SYN3: variants seen among roughly 807,000 people sequenced by gnomAD.
The protein encoded by SYN3 is synapsin III, also known as synapsin-3.
SYN3 carries 35 observed loss-of-function variants against 65.8 expected under a neutral mutation model. That is an observed-to-expected ratio of 0.53 (90% CI 0.41 to 0.70). The LOEUF (loss-of-function observed/expected upper bound fraction) is 0.70, where lower values mean the gene tolerates loss of function less well. Ranked by LOEUF, SYN3 falls within the 30% of genes least tolerant of loss-of-function variation. The pLI is 0.00. For missense variants in SYN3, 680 were observed against 749.0 expected, an observed-to-expected ratio of 0.91 and a Z score of 1.08; for synonymous variants, 270 against 292.9, an observed-to-expected ratio of 0.92 and a Z score of 0.80.
chr22:32,858,087 C>T, intron 6 of SYN3: 10 of 1,614,216 alleles, frequency 6.2e-6, no homozygotes, highest in Non-Finnish European at 8.5e-6. Flanking sequence ...AGCTCACCCT[C>T]TCCCAGCGCA....
chr22:32,879,526 G>C (rs1375875338), intron 4 of SYN3, among the ~76,000 whole-genome samples: 1 of 152,130 alleles, frequency 6.6e-6, no homozygotes, highest in Non-Finnish European at 1.5e-5. Context: ...ATAGTCGAAG[G>C]GGGAAGGGAG....
At chr22:32,865,029 T>C (rs766516048) in intron 5 of SYN3, 25 bp from the exon 6 acceptor site, 5 of 1,576,418 alleles carry the variant, frequency 3.2e-6, no homozygotes, top group Non-Finnish European at 1.7e-6. Context: ...GAGAGAACAT[T>C]GATCAACTAT....
chr22:32,544,186 C>T (rs182788559), intron 7 of SYN3, among the ~76,000 whole-genome samples: 65 of 152,330 alleles, frequency 4.3e-4, no homozygotes, highest in African/African-American at 1.3e-3. Context: ...GATCTTTCCG[C>T]CTCGGCCTTC....
chr22:32,544,353 T>C (rs1329177637), intron 7 of SYN3, among the ~76,000 whole-genome samples: 1 of 152,236 alleles, frequency 6.6e-6, no homozygotes, highest in Non-Finnish European at 1.5e-5. Context: ...GGATCCACCA[T>C]TCTCCTCAAC....
chr22:32,803,747 C>T (rs903396552), intron 6 of SYN3, among the ~76,000 whole-genome samples: 10 of 152,310 alleles, frequency 6.6e-5, no homozygotes, highest in East Asian at 1.9e-4. Context: ...GGATCACACA[C>T]GTGCGGCCAG....
At chr22:32,981,813 T>A (rs2052382919) in intron 2 of SYN3, among the ~76,000 whole-genome samples, 1 of 152,196 alleles carries the variant, frequency 6.6e-6, no homozygotes, top group Non-Finnish European at 1.5e-5. Context: ...ATGTTTATAG[T>A]GTTTTATCCA....
At chr22:32,964,239 A>G (rs966308591) in intron 3 of SYN3, among the ~76,000 whole-genome samples, 2 of 136,114 alleles carry the variant, frequency 1.5e-5, no homozygotes, top group Admixed American at 8.4e-5. Context: ...ATGAGAACAC[A>G]TGGACACAGG....
intron 3 of SYN3, among the ~76,000 whole-genome samples, chr22:32,940,322 T>C (rs1468372900): frequency 1.3e-5 from 2 of 152,222 alleles, no homozygotes; most frequent in East Asian, 3.8e-4. Flanking sequence ...CTCTTAACTT[T>C]CTTAGTTTTT....
intron 6 of SYN3, among the ~76,000 whole-genome samples, chr22:32,800,625 G>A (rs966044280): frequency 6.6e-6 from 1 of 152,170 alleles, no homozygotes; most frequent in African/African-American, 2.4e-5. Context: ...ATAGCTAGTC[G>A]TCTAGGATCC....
At chr22:32,806,118 C>T (rs1277381874) in intron 6 of SYN3, among the ~76,000 whole-genome samples, 1 of 151,924 alleles carries the variant, frequency 6.6e-6, no homozygotes, top group African/African-American at 2.4e-5. Flanking sequence ...GGCTTCAAGA[C>T]TCTTCCCTTA....
At chr22:32,728,014 T>C (rs1246850783) in intron 6 of SYN3, among the ~76,000 whole-genome samples, 4 of 152,184 alleles carry the variant, frequency 2.6e-5, no homozygotes, top group Non-Finnish European at 5.9e-5. Flanking sequence ...TAATAAGTGG[T>C]GCTGGGAGAA....
intron 1 of SYN3, among the ~76,000 whole-genome samples, chr22:33,027,619 G>C: frequency 8.4e-6 from 1 of 119,270 alleles, no homozygotes. Context: ...GAGAAAGAAG[G>C]AAAGACAGAC....
intron 2 of SYN3, among the ~76,000 whole-genome samples, chr22:32,989,671 C>G (rs1454596965): frequency 6.6e-6 from 1 of 151,662 alleles, no homozygotes; most frequent in African/African-American, 2.4e-5. Flanking sequence ...CCCGTGTCTA[C>G]CAAAAATACA....
intron 7 of SYN3, among the ~76,000 whole-genome samples, chr22:32,553,173 A>G (rs574911882): frequency 6.6e-6 from 1 of 152,240 alleles, no homozygotes; most frequent in African/African-American, 2.4e-5. Flanking sequence ...AAATCCCATC[A>G]CTTTGGGGAT....
intron 7 of SYN3, among the ~76,000 whole-genome samples, chr22:32,569,561 CTCTCTCTCTCTATATA>C (rs1186618341): frequency 2.5e-4 from 13 of 51,736 alleles, no homozygotes; most frequent in East Asian, 6.1e-3. Context: ...CTCTCTCTCT[CTCTCTCTCTCTATATA>C]TATATATATA....
At chr22:32,909,855 C>T (rs545993912) in intron 4 of SYN3, among the ~76,000 whole-genome samples, 45 of 152,230 alleles carry the variant, frequency 3.0e-4, no homozygotes, top group African/African-American at 9.9e-4. Flanking sequence ...GTGCAGTTCC[C>T]GGGTCGGTCG....
intron 6 of SYN3, among the ~76,000 whole-genome samples, chr22:32,657,252 T>C (rs2060154367): frequency 6.6e-6 from 1 of 152,034 alleles, no homozygotes; most frequent in Admixed American, 6.6e-5. Flanking sequence ...GCCTCCTGAG[T>C]AGCTGGGACT....
chr22:32,525,567 G>A (rs1031514253), intron 12 of SYN3, among the ~76,000 whole-genome samples: 5 of 151,882 alleles, frequency 3.3e-5, no homozygotes, highest in Admixed American at 6.6e-5. Flanking sequence ...AAAATTAGCC[G>A]GGAGTGTTGG....
intron 7 of SYN3, among the ~76,000 whole-genome samples, chr22:32,545,217 C>A (rs565726614): frequency 6.6e-6 from 1 of 152,174 alleles, no homozygotes; most frequent in Non-Finnish European, 1.5e-5. Flanking sequence ...AGTCCATGGT[C>A]ATGAAACCAT....
Sources: gnomAD v4.1 joint callset for allele counts (sites outside exome capture counted in the v4.1 genomes callset) on GRCh38, gnomAD v4.1.1 for gene constraint, MANE v1.5 for transcripts, NCBI Gene and HGNC (gene_info 2026-07-23, HGNC 2026-07-21) for gene names.